PDE1C: variants seen among roughly 807,000 people sequenced by gnomAD.
PDE1C encodes dual specificity calcium/calmodulin-dependent 3',5'-cyclic nucleotide phosphodiesterase 1C.
Under a neutral mutation model 93.1 loss-of-function variants are expected in PDE1C, and 62 were observed. The observed-to-expected ratio is 0.67, with a 90% CI of 0.54 to 0.82. PDE1C has a LOEUF of 0.82. Ranked by LOEUF, PDE1C falls within the 40% of genes least tolerant of loss-of-function variation. PDE1C has a pLI of 0.00. For synonymous variants in PDE1C, 325 were observed against 310.1 expected (o/e 1.05, Z -0.50); for missense variants, 742 against 884.6 (o/e 0.84, Z 2.04).
intron 1 of PDE1C, among the ~76,000 whole-genome samples, chr7:32,350,177 A>G (rs1180446955): frequency 6.6e-6 from 1 of 152,100 alleles, no homozygotes; most frequent in Non-Finnish European, 1.5e-5. Flanking sequence ...AAACACAATA[A>G]TATAATGAGC....
chr7:31,688,268 T>C, the PDE1C span, among the ~76,000 whole-genome samples: 2,477 of 152,294 alleles, frequency 0.016, 59 homozygotes, highest in African/African-American at 0.054. Flanking sequence ...AACAGATAAC[T>C]GTCCCAAGTT....
At chr7:32,120,390 G>C (rs1270179732) in intron 3 of PDE1C, among the ~76,000 whole-genome samples, 1 of 152,226 alleles carries the variant, frequency 6.6e-6, no homozygotes, top group East Asian at 1.9e-4. Context: ...CCAGGGAACA[G>C]TCAAAGTGCT....
At chr7:32,096,652 TTG>T (rs1797760259) in intron 3 of PDE1C, among the ~76,000 whole-genome samples, 3 of 152,176 alleles carry the variant, frequency 2.0e-5, no homozygotes, top group Admixed American at 1.3e-4. Flanking sequence ...CTTAAAATTA[TTG>T]TGTTTCTATG....
intron 2 of PDE1C, among the ~76,000 whole-genome samples, chr7:31,939,897 G>A (rs1218445132): frequency 6.6e-6 from 1 of 152,134 alleles, no homozygotes; most frequent in Non-Finnish European, 1.5e-5. Context: ...TTAGAAAAAG[G>A]AGGCATGTTT....
chr7:32,063,517 C>T (rs1465120771), intron 1 of PDE1C, among the ~76,000 whole-genome samples: 1 of 152,204 alleles, frequency 6.6e-6, no homozygotes, highest in Non-Finnish European at 1.5e-5. Context: ...ATATTAAGCA[C>T]TTTGCTGCTA....
chr7:32,112,804 ATGTGTGTGTGTGTG>A (rs150245670), intron 3 of PDE1C, among the ~76,000 whole-genome samples: 1 of 66,702 alleles, frequency 1.5e-5, no homozygotes, highest in Non-Finnish European at 3.5e-5. Flanking sequence ...ATATACATAT[ATGTGTGTGTGTGTG>A]TGTGTGTGTG....
At chr7:32,296,144 T>C (rs1296138119) in intron 1 of PDE1C, among the ~76,000 whole-genome samples, 2 of 152,226 alleles carry the variant, frequency 1.3e-5, no homozygotes, top group Admixed American at 6.5e-5. Flanking sequence ...TATTAATATT[T>C]AGCATTGGAT....
chr7:31,912,434 C>T (rs1159369525), intron 2 of PDE1C, among the ~76,000 whole-genome samples: 1 of 151,940 alleles, frequency 6.6e-6, no homozygotes, highest in Non-Finnish European at 1.5e-5. Context: ...GCCTATAATC[C>T]CAGTACTTTG....
intron 3 of PDE1C, among the ~76,000 whole-genome samples, chr7:32,158,030 A>AAATAATTAGC (rs760566207): frequency 1.1e-4 from 16 of 152,184 alleles, no homozygotes; most frequent in Non-Finnish European, 2.2e-4. Flanking sequence ...GATGAACTTA[A>AAATAATTAGC]AATAATTAGC....
At chr7:32,371,510 T>C (rs548007834) in intron 1 of PDE1C, among the ~76,000 whole-genome samples, 70 of 152,338 alleles carry the variant, frequency 4.6e-4, no homozygotes, top group Admixed American at 3.1e-3. Context: ...CCACAATACA[T>C]ACCTTACTCA....
chr7:32,130,862 A>C (rs764467292), intron 3 of PDE1C, among the ~76,000 whole-genome samples: 9 of 152,080 alleles, frequency 5.9e-5, no homozygotes, highest in Non-Finnish European at 1.2e-4. Context: ...GATGACAAAA[A>C]GTATAAGAGC....
intron 3 of PDE1C, among the ~76,000 whole-genome samples, chr7:32,094,658 C>T (rs1584751607): frequency 2.0e-5 from 3 of 152,274 alleles, no homozygotes; most frequent in South Asian, 4.1e-4. Context: ...GTGCAAGGAC[C>T]GCCCTCATCT....
chr7:31,797,565 T>C (rs1307646900), intron 16 of PDE1C, among the ~76,000 whole-genome samples: 1 of 151,734 alleles, frequency 6.6e-6, no homozygotes, highest in Non-Finnish European at 1.5e-5. Context: ...TAGAAGAGAT[T>C]CAAAGTTATT....
In PDE1C at chr7:31,879,360, G is replaced by A. The variant is rs139304440; in HGVS notation, c.243-182C>T. 414 of 576,040 alleles carry A rather than the reference G, an allele frequency of 7.2e-4. 2 individuals are homozygous for A. Among genetic ancestry groups the A allele is most frequent in the African/African-American group, 6.8e-3 (363 of 53,756 alleles). The allele number at this position is 576,040 out of a possible 1,614,324, so 35.7% of individuals were successfully genotyped here. On this transcript the variant is annotated intron_variant, in intron 3 of 17. Coordinates refer to ENST00000396191, the MANE Select transcript of PDE1C (RefSeq NM_001191057.4). Reference sequence around the variant, plus strand: ...TATGTAAGCTCGCCATGTGTGTTTCGCGATGGTCTTGGCTTCCACTGATAT... The same window carrying A: ...TATGTAAGCTCGCCATGTGTGTTTCACGATGGTCTTGGCTTCCACTGATAT...
chr7:32,308,915 T>C (rs553406121), intron 1 of PDE1C, among the ~76,000 whole-genome samples: 18 of 151,334 alleles, frequency 1.2e-4, no homozygotes, highest in South Asian at 4.2e-4. Flanking sequence ...CTTTGACGAG[T>C]TGAGAGAAGA....
In PDE1C at chr7:31,966,805, A is replaced by T. The variant is rs867698950; in HGVS notation, c.128+84749T>A. Among the ~76,000 whole-genome samples the T allele has an allele frequency of 6.6e-4, 100 of 152,254 alleles. 1 individual carries two copies. Among genetic ancestry groups the T allele is most frequent in the Middle Eastern group, 3.4e-3 (1 of 294 alleles). On this transcript the variant is annotated intron_variant, in intron 2 of 17. Transcript: ENST00000396191. ...AAACTAGAACTCAGGATTAAGAAAC[A>T]CACTCAAAACCACTCAACTACATGG...
At chr7:32,077,386 G>A (rs1796413500) in intron 3 of PDE1C, among the ~76,000 whole-genome samples, 1 of 152,080 alleles carries the variant, frequency 6.6e-6, no homozygotes, top group Non-Finnish European at 1.5e-5. Flanking sequence ...GGATCTAGGG[G>A]TGGGCAGAGC....
In PDE1C at chr7:31,969,152, G is replaced by A. The variant is rs1810514569; in HGVS notation, c.128+82402C>T. Among the ~76,000 whole-genome samples the A allele has an allele frequency of 3.9e-5, 6 of 152,078 alleles. No individual in the cohort carries two copies. In the South Asian group the frequency reaches 1.0e-3, roughly 26 times the overall value. ...AAATGGGATCTGATTATACTAAAGA[G>A]CTTTGCTGTGCTTCTGCACAGCAAA... is the stretch of plus-strand genomic sequence containing the variant. On this transcript the variant is annotated intron_variant, in intron 2 of 17. Transcript: ENST00000396191.
intron 3 of PDE1C, among the ~76,000 whole-genome samples, chr7:32,095,195 C>G (rs1265912172): frequency 1.3e-5 from 2 of 152,172 alleles, no homozygotes; most frequent in African/African-American, 4.8e-5. Context: ...AGCCTTGCTT[C>G]TCAAAAACAA....
Sources: allele counts gnomAD v4.1 joint callset (sites outside exome capture counted in the v4.1 genomes callset), GRCh38; gene constraint gnomAD v4.1.1; transcripts MANE v1.5; gene names NCBI Gene and HGNC (gene_info 2026-07-23, HGNC 2026-07-21).